MYSM1: variants seen among roughly 807,000 people sequenced by gnomAD.
MYSM1 encodes the protein Myb like, SWIRM and MPN domains 1, also known as deubiquitinase MYSM1.
A neutral mutation model predicts 116.0 loss-of-function variants in MYSM1; 51 were observed. That is an observed-to-expected ratio of 0.44 (90% confidence interval 0.35 to 0.56). The LOEUF (loss-of-function observed/expected upper bound fraction) is 0.56. Ranked by LOEUF, MYSM1 falls within the 20% of genes least tolerant of loss-of-function variation. The pLI, the probability that MYSM1 is intolerant of heterozygous loss-of-function variation, is 0.00. For synonymous variants in MYSM1, 313 were observed against 315.2 expected, an observed-to-expected ratio of 0.99 and a Z score of 0.07; for missense variants, 900 against 974.9, an observed-to-expected ratio of 0.92 and a Z score of 1.02.
In MYSM1 at chr1:58,695,145, G is replaced by T; in HGVS notation, c.131C>A (p.Thr44Lys). Residue 44 changes from threonine (T) to lysine (K), a missense_variant, in exon 2 of 20, where the codon ACA (threonine) becomes AAA (lysine). Physicochemically the swap from Thr to Lys is moderately conservative, Grantham distance 78 (BLOSUM62 -1). Transcript: ENST00000472487. ...AATACTTACAATAAGGCCATTCTCT[G>T]TTCTCCAAGATGAATCAAGATAGTG... is the stretch of plus-strand genomic sequence containing the variant. ...KDHYLDSSWRTENGLIPWTLD... is the reference protein window; with the variant it reads ...KDHYLDSSWRKENGLIPWTLD... 1 of 1,601,314 alleles carries T rather than the reference G, an allele frequency of 6.2e-7. No homozygotes were observed. Among genetic ancestry groups the T allele is most frequent in the South Asian group, 1.1e-5 (1 of 90,780 alleles).
chr1:58,689,819 TA>T (rs147963745), intron 5 of MYSM1, among the ~76,000 whole-genome samples: 3,178 of 152,324 alleles, frequency 0.021, 93 homozygotes, highest in African/African-American at 0.071. Flanking sequence ...AGGGAAAGGA[TA>T]TTTTTAAAAT....
At chr1:58,692,839 C>A in intron 3 of MYSM1, 22 bp downstream of exon 3, 2 of 1,578,826 alleles carry the variant, frequency 1.3e-6, no homozygotes, top group South Asian at 1.2e-5. Context: ...CCTGTACTTT[C>A]CTCATAATCA....
At chr1:58,694,993 C>T (rs1191655256) in intron 2 of MYSM1, 136 bp downstream of exon 2, 1 of 425,548 alleles carries the variant, frequency 2.3e-6, no homozygotes, top group East Asian at 3.7e-5. Flanking sequence ...AAAAAAAATT[C>T]TAAATTTCTA....
At chr1:58,688,428 A>G (rs1300047607) in intron 6 of MYSM1, among the ~76,000 whole-genome samples, 1 of 151,898 alleles carries the variant, frequency 6.6e-6, no homozygotes. Flanking sequence ...AATTAAAAAA[A>G]AATCCTAAGT....
chr1:58,673,658 GAGATT>G lies in MYSM1; in HGVS notation c.1495-13_1495-9del. 6.2e-7 allele frequency: 1 copy of G among 1,613,082 alleles called. No individual in the cohort carries two copies. Among genetic ancestry groups the G allele is most frequent in the Non-Finnish European group, 8.5e-7 (1 of 1,179,228 alleles). On this transcript the variant is annotated splice_polypyrimidine_tract_variant and intron_variant, in intron 10 of 19. Transcript: ENST00000472487. ...CCTACGTCTCCTTGTACGCTGCGAT[GAGATT>G]AAAGTAAAGCAAAAGGTAGCAAGAT...
chr1:58,699,590 C>T (rs1645032746), intron 1 of MYSM1: 6 of 975,554 alleles, frequency 6.2e-6, no homozygotes, highest in Non-Finnish European at 7.3e-6. Flanking sequence ...CAAGGTCACA[C>T]GGCTAGCAAG....
At chr1:58,666,090 C>T (rs1644465615) in intron 16 of MYSM1, among the ~76,000 whole-genome samples, 1 of 151,840 alleles carries the variant, frequency 6.6e-6, no homozygotes, top group Non-Finnish European at 1.5e-5. Context: ...CAAACTGCAA[C>T]TAAATCAAAT....
chr1:58,679,281 A>G (rs1014029616), intron 8 of MYSM1, among the ~76,000 whole-genome samples: 2 of 152,174 alleles, frequency 1.3e-5, no homozygotes, highest in African/African-American at 2.4e-5. Context: ...ATGTTCTGCT[A>G]AATCACCATA....
rs1422980752 is a variant in MYSM1 at position 58,656,284 on chromosome 1, T to G, written c.*3713A>C. ...ATGGACAGAAGACTGGGAGCAGCAT[T>G]AAATAGCTTCATGGAAACATGCATG... On this transcript the variant is annotated 3_prime_UTR_variant, in exon 20 of 20. Coordinates refer to ENST00000472487, the MANE Select transcript of MYSM1 (RefSeq NM_001085487.3). The G allele has an allele frequency of 6.6e-6, 1 of 152,212 alleles. No homozygotes were observed. The highest frequency in any genetic ancestry group is 1.5e-5 in the Non-Finnish European group (1 of 68,064). 9.4% of individuals were successfully genotyped at this position (152,212 alleles called of 1,614,324 possible).
At chr1:58,686,576 T>C (rs1334349479) in intron 6 of MYSM1, among the ~76,000 whole-genome samples, 7 of 152,324 alleles carry the variant, frequency 4.6e-5, no homozygotes, top group Admixed American at 2.0e-4. Flanking sequence ...TTAGAAAATA[T>C]GACATATGGA....
At chr1:58,671,818 A>G (rs1644566081) in intron 12 of MYSM1, 52 bp downstream of exon 12, 1 of 1,311,736 alleles carries the variant, frequency 7.6e-7, no homozygotes, top group Non-Finnish European at 1.1e-6. Context: ...TTCATATATT[A>G]TCTAGCCATT....
chr1:58,670,821 A>G (rs948045896), intron 12 of MYSM1, among the ~76,000 whole-genome samples: 3 of 152,210 alleles, frequency 2.0e-5, no homozygotes, highest in Non-Finnish European at 4.4e-5. Flanking sequence ...AATGTTAATG[A>G]TACAGTGCTA....
intron 3 of MYSM1, among the ~76,000 whole-genome samples, chr1:58,692,230 A>T (rs1218304685): frequency 6.6e-6 from 1 of 152,226 alleles, no homozygotes; most frequent in African/African-American, 2.4e-5. Flanking sequence ...CTGGCTTAGT[A>T]AGGAGAAATC....
rs558688073 is a variant in MYSM1, at chr1:58,659,271, A to C, written c.*726T>G. The stretch of plus-strand genomic sequence containing the variant: ...CTATGTTCCAGTTAAATGAGGTTTT[A>C]TCACACCTACTAATGTAAGTGGACT... On this transcript the variant is annotated 3_prime_UTR_variant, in exon 20 of 20. Transcript: ENST00000472487. The C allele has an allele frequency of 6.6e-6, 1 of 152,322 alleles. No homozygotes were observed. Among genetic ancestry groups the C allele is most frequent in the Admixed American group, 6.5e-5 (1 of 15,282 alleles). The allele number at this position is 152,322 out of a possible 1,614,324, so 9.4% of individuals were successfully genotyped here. A position where few individuals can be genotyped will look rare whatever the true frequency, so the allele number is the denominator to read the frequency against.
At chr1:58,691,601 C>T (rs1644907090) in intron 3 of MYSM1, among the ~76,000 whole-genome samples, 1 of 152,104 alleles carries the variant, frequency 6.6e-6, no homozygotes, top group Non-Finnish European at 1.5e-5. Flanking sequence ...GGCGCAGTGG[C>T]TCACACCTGT....
At chr1:58,674,666 C>T (rs1332084695) in intron 10 of MYSM1, among the ~76,000 whole-genome samples, 2 of 152,082 alleles carry the variant, frequency 1.3e-5, no homozygotes, top group African/African-American at 4.8e-5. Flanking sequence ...TGGCTCACGC[C>T]TGTAATCCCA....
chr1:58,662,618 T>A (rs541737875), intron 17 of MYSM1, among the ~76,000 whole-genome samples: 1 of 150,358 alleles, frequency 6.7e-6, no homozygotes, highest in East Asian at 2.0e-4. Flanking sequence ...GTTTCTACCA[T>A]GGTAAGGAAT....
intron 6 of MYSM1, among the ~76,000 whole-genome samples, chr1:58,687,301 C>A (rs1226557171): frequency 1.3e-5 from 2 of 152,134 alleles, no homozygotes; most frequent in African/African-American, 2.4e-5. Context: ...GGACAAATAT[C>A]TCTGGAAGAA....
Position 58,656,091 on chromosome 1 carries a change from C to T in MYSM1, c.*3906G>A, listed in dbSNP as rs115397105. 0.016 allele frequency: 2,427 copies of T among 152,236 alleles called. 65 individuals are homozygous for T. Among genetic ancestry groups the T allele is most frequent in the African/African-American group, 0.055 (2,280 of 41,504 alleles). 9.4% of individuals were successfully genotyped at this position (152,236 alleles called of 1,614,324 possible). ...GTTCCTCCAGCTCACCTCATCAGGACCCAGGAAGAGAAATGGGAGGAAGGT... is the reference window on the plus strand; with the variant it reads ...GTTCCTCCAGCTCACCTCATCAGGATCCAGGAAGAGAAATGGGAGGAAGGT... On this transcript the variant is annotated 3_prime_UTR_variant, in exon 20 of 20. Coordinates refer to ENST00000472487, the MANE Select transcript of MYSM1 (RefSeq NM_001085487.3).
Sources: gnomAD v4.1 joint callset for allele counts (sites outside exome capture counted in the v4.1 genomes callset) on GRCh38, gnomAD v4.1.1 for gene constraint, MANE v1.5 for transcripts, NCBI Gene and HGNC (gene_info 2026-07-23, HGNC 2026-07-21) for gene names.